Variants in TTC28 observed in about 807,000 individuals in gnomAD.
TTC28 encodes tetratricopeptide repeat protein 28.
A neutral mutation model predicts 198.0 loss-of-function variants in TTC28; 61 were observed. The ratio of observed to expected loss-of-function variants is 0.31; its 90% CI spans 0.25 to 0.38. TTC28 has a LOEUF of 0.38. TTC28 is among the 10% of genes least tolerant of loss of function. The pLI is 1.00. For missense variants in TTC28, 2,678 were observed against 3,164.0 expected (o/e 0.85, Z 3.69); for synonymous variants, 1,171 against 1,297.8 (o/e 0.90, Z 2.10).
At chr22:28,562,336 A>T (rs1601568884) in intron 2 of TTC28, among the ~76,000 whole-genome samples, 1 of 152,216 alleles carries the variant, frequency 6.6e-6, no homozygotes, top group Non-Finnish European at 1.5e-5. Flanking sequence ...ATAAAAGTAT[A>T]GGTGTTTGAG....
intron 12 of TTC28, among the ~76,000 whole-genome samples, chr22:28,037,286 G>A (rs976279873): frequency 5.9e-5 from 9 of 152,106 alleles, no homozygotes; most frequent in Admixed American, 1.3e-4. Flanking sequence ...CTGGCAAACC[G>A]AATCCAGCAA....
intron 21 of TTC28, among the ~76,000 whole-genome samples, 172 bp from the exon 22 acceptor site, chr22:27,985,528 G>C (rs1024224481): frequency 6.6e-6 from 1 of 152,246 alleles, no homozygotes; most frequent in African/African-American, 2.4e-5. Context: ...ATGTGGCAGA[G>C]GGGTCGGGCT....
intron 5 of TTC28, among the ~76,000 whole-genome samples, chr22:28,221,817 G>A (rs1927892811): frequency 6.6e-6 from 1 of 152,146 alleles, no homozygotes; most frequent in South Asian, 2.1e-4. Flanking sequence ...GACCTCTACT[G>A]TGGCACTTAT....
chr22:28,572,375 A>G (rs1174993560), intron 2 of TTC28, among the ~76,000 whole-genome samples: 3 of 152,196 alleles, frequency 2.0e-5, no homozygotes, highest in Admixed American at 6.5e-5. Context: ...ATTGTTCGTA[A>G]TAGGAAAAAC....
intron 5 of TTC28, among the ~76,000 whole-genome samples, chr22:28,164,260 C>A (rs932564911): frequency 1.3e-5 from 2 of 152,166 alleles, no homozygotes; most frequent in Non-Finnish European, 2.9e-5. Flanking sequence ...CCTCTGCAGA[C>A]TTAAATGTCC....
chr22:28,399,498 G>T (rs1298345713), intron 2 of TTC28, among the ~76,000 whole-genome samples: 2 of 151,498 alleles, frequency 1.3e-5, no homozygotes, highest in Non-Finnish European at 2.9e-5. Flanking sequence ...TTTTTTTTCA[G>T]TAGAAACGAG....
At chr22:28,591,266 C>T (rs1363256429) in intron 2 of TTC28, among the ~76,000 whole-genome samples, 1 of 150,456 alleles carries the variant, frequency 6.6e-6, no homozygotes, top group Non-Finnish European at 1.5e-5. Flanking sequence ...CACCACCTCA[C>T]CTGACTATTT....
chr22:28,411,578 C>T (rs1486033385), intron 2 of TTC28, among the ~76,000 whole-genome samples: 1 of 152,160 alleles, frequency 6.6e-6, no homozygotes, highest in Non-Finnish European at 1.5e-5. Flanking sequence ...GAACTACATC[C>T]TTTCCAAAAA....
chr22:28,322,505 C>T (rs1341429368), intron 2 of TTC28, among the ~76,000 whole-genome samples: 2 of 152,104 alleles, frequency 1.3e-5, no homozygotes, highest in Non-Finnish European at 2.9e-5. Flanking sequence ...ATTTTTGTCA[C>T]TCCCTTACCT....
intron 1 of TTC28, among the ~76,000 whole-genome samples, chr22:28,639,594 T>C (rs550078375): frequency 8.5e-5 from 13 of 152,198 alleles, no homozygotes; most frequent in East Asian, 1.9e-4. Context: ...GTTGTTGTGA[T>C]AGTAAGTCTC....
intron 5 of TTC28, among the ~76,000 whole-genome samples, chr22:28,198,556 A>T (rs1350194737): frequency 6.6e-6 from 1 of 152,188 alleles, no homozygotes; most frequent in African/African-American, 2.4e-5. Context: ...ATGACATTTT[A>T]AAAATGCTCA....
chr22:28,140,153 C>T (rs7511599), intron 6 of TTC28, among the ~76,000 whole-genome samples: 2 of 152,220 alleles, frequency 1.3e-5, no homozygotes, highest in East Asian at 1.9e-4. Context: ...GAGGACAAAC[C>T]GAAGTGATTC....
chr22:28,315,834 C>A (rs540488872), intron 2 of TTC28, among the ~76,000 whole-genome samples: 5 of 152,196 alleles, frequency 3.3e-5, no homozygotes, highest in African/African-American at 9.6e-5. Flanking sequence ...AGTTCTTTGT[C>A]TCATGACAAA....
intron 2 of TTC28, among the ~76,000 whole-genome samples, chr22:28,522,079 AAG>A (rs1187340860): frequency 4.6e-5 from 7 of 152,236 alleles, no homozygotes; most frequent in African/African-American, 7.2e-5. Flanking sequence ...TATGCCAAGA[AAG>A]AGAATAATAT....
At chr22:28,367,258 G>C (rs957584451) in intron 2 of TTC28, among the ~76,000 whole-genome samples, 2 of 151,826 alleles carry the variant, frequency 1.3e-5, no homozygotes, top group Admixed American at 6.6e-5. Flanking sequence ...GACCACAATG[G>C]AATAAAACTA....
At chr22:28,574,478 A>G (rs931292320) in intron 2 of TTC28, among the ~76,000 whole-genome samples, 1 of 152,160 alleles carries the variant, frequency 6.6e-6, no homozygotes, top group African/African-American at 2.4e-5. Flanking sequence ...TGGTGCTGCA[A>G]TAAATACCGG....
At chr22:28,588,705 G>C (rs1036518945) in intron 2 of TTC28, among the ~76,000 whole-genome samples, 6 of 152,220 alleles carry the variant, frequency 3.9e-5, no homozygotes, top group Non-Finnish European at 1.5e-5. Flanking sequence ...GGCTTTGGAA[G>C]GGATTTTCCT....
At chr22:28,569,608 A>G (rs966072490) in intron 2 of TTC28, among the ~76,000 whole-genome samples, 1 of 151,666 alleles carries the variant, frequency 6.6e-6, no homozygotes, top group Non-Finnish European at 1.5e-5. Context: ...AAACCCATAG[A>G]AAAAAAAACC....
At chr22:28,391,378 A>C (rs1029938280) in intron 2 of TTC28, among the ~76,000 whole-genome samples, 12 of 152,066 alleles carry the variant, frequency 7.9e-5, no homozygotes, top group African/African-American at 2.7e-4. Flanking sequence ...CCTGAATCTG[A>C]ATGTTGGCCT....
Sources: allele counts gnomAD v4.1 joint callset (sites outside exome capture counted in the v4.1 genomes callset), GRCh38; gene constraint gnomAD v4.1.1; transcripts MANE v1.5; gene names NCBI Gene and HGNC (gene_info 2026-07-23, HGNC 2026-07-21).